ZNF518A: variants seen among roughly 807,000 people sequenced by gnomAD.
The protein encoded by ZNF518A is zinc finger protein 518A.
Under a neutral mutation model 102.7 loss-of-function variants are expected in ZNF518A, and 47 were observed. That is an observed-to-expected ratio of 0.46 (90% CI 0.36 to 0.58). The LOEUF is 0.58. Among genes scored for constraint, ZNF518A ranks in the 20% least tolerant of loss-of-function variants. ZNF518A has a pLI of 0.00. For missense variants in ZNF518A, 1,793 were observed against 1,699.8 expected, an observed-to-expected ratio of 1.05 and a Z score of -0.96; for synonymous variants, 652 against 594.6, an observed-to-expected ratio of 1.10 and a Z score of -1.40.
At chr10:96,188,740 A>T (rs1427364730) in intron 1 of ZNF518A, among the ~76,000 whole-genome samples, 1 of 152,016 alleles carries the variant, frequency 6.6e-6, no homozygotes, top group Non-Finnish European at 1.5e-5. Flanking sequence ...AATTTCCCAA[A>T]CCCCTATATA....
intron 3 of ZNF518A, among the ~76,000 whole-genome samples, chr10:96,143,375 C>G (rs1278956569): frequency 6.6e-6 from 1 of 152,196 alleles, no homozygotes; most frequent in Non-Finnish European, 1.5e-5. Flanking sequence ...CCCCATCATG[C>G]ATTCTCTTTT....
chr10:96,157,592 C>T lies in ZNF518A; in HGVS notation c.1270C>T (p.Leu424=). 1 of 1,613,830 alleles carries T rather than the reference C, an allele frequency of 6.2e-7. No homozygotes were observed. Among genetic ancestry groups the T allele is most frequent in the Admixed American group, 1.7e-5 (1 of 60,010 alleles). ...GAAGACTGCTGTACTAGGACCTACA[C>T]TGAAAAATGTAATGATGAAAAATAA... The part of the protein sequence containing the change: ...FMKTAVLGPT[L]KNVMMKNNKL... Residue 424 remains leucine, a synonymous_variant, in exon 6 of 6, where the codon CTG becomes TTG. Coordinates refer to ENST00000316045, the MANE Select transcript of ZNF518A (RefSeq NM_001330736.2).
At chr10:96,197,832 C>T (rs1591294108) in intron 1 of ZNF518A, among the ~76,000 whole-genome samples, 1 of 150,900 alleles carries the variant, frequency 6.6e-6, no homozygotes, top group Non-Finnish European at 1.5e-5. Context: ...AGAAGAATGG[C>T]GTGAACCCAG....
intron 1 of ZNF518A, among the ~76,000 whole-genome samples, chr10:96,198,263 T>C (rs750371882): frequency 6.6e-6 from 1 of 152,058 alleles, no homozygotes; most frequent in African/African-American, 2.4e-5. Context: ...AAGACAGTGA[T>C]GGGAGAAAAA....
At chr10:96,185,834 C>T (rs141204879) in intron 1 of ZNF518A, among the ~76,000 whole-genome samples, 83 of 152,334 alleles carry the variant, frequency 5.4e-4, no homozygotes, top group African/African-American at 1.8e-3. Context: ...GGGGTGGAGT[C>T]TACAGAGGCA....
intron 3 of ZNF518A, among the ~76,000 whole-genome samples, chr10:96,135,765 C>T (rs1244970036): frequency 6.6e-6 from 1 of 152,112 alleles, no homozygotes. Context: ...AATTCCTTGT[C>T]TTGGAAGTGC....
downstream of ZNF518A, chr10:96,204,392 T>C (rs782415631): frequency 2.3e-5 from 24 of 1,030,682 alleles, no homozygotes; most frequent in Non-Finnish European, 3.6e-5. Context: ...TCAACACCTT[T>C]TAACACGTAA....
In ZNF518A at chr10:96,158,020, G is replaced by C. The variant is rs782584226; in HGVS notation, c.1698G>C (p.Leu566Phe). ...TSELVTASVN[L>F]TTKFETRDNV... ...AATTGGTTACAGCATCAGTGAATTT[G>C]ACCACAAAATTTGAAACAAGAGATA... Residue 566 changes from leucine (L) to phenylalanine (F), a missense_variant, in exon 6 of 6, where the codon TTG becomes TTC. By Grantham distance (22) the Leu-to-Phe change is conservative. Transcript: ENST00000316045. 36 of 1,613,712 alleles carry C rather than the reference G, an allele frequency of 2.2e-5. No homozygotes were observed. Among genetic ancestry groups the C allele is most frequent in the South Asian group, 2.0e-4 (18 of 91,046 alleles).
chr10:96,194,768 A>ATTTTTTT (rs71034364), intron 1 of ZNF518A, among the ~76,000 whole-genome samples: 6,337 of 110,048 alleles, frequency 0.058, 463 homozygotes, highest in Admixed American at 0.079. Context: ...AGAAATGCAA[A>ATTTTTTT]TTTTTTTTTT....
chr10:96,186,958 G>A (rs1353912904), intron 1 of ZNF518A, among the ~76,000 whole-genome samples: 1 of 152,126 alleles, frequency 6.6e-6, no homozygotes, highest in Non-Finnish European at 1.5e-5. Context: ...TTGGATGTTT[G>A]GCTATTTTGT....
In ZNF518A at chr10:96,158,985, T is replaced by G. The variant is rs782060551; in HGVS notation, c.2663T>G (p.Leu888Arg). 2 of 1,613,662 alleles carry G rather than the reference T, an allele frequency of 1.2e-6. No individual in the cohort carries two copies. The highest frequency in any genetic ancestry group is 2.2e-5 in the East Asian group (1 of 44,870). Residue 888 changes from leucine to arginine, a missense_variant, in exon 6 of 6, where the codon CTT becomes CGT. Around this residue, in one of 3 missense-constraint regions of ZNF518A, gnomAD observed 1,741 missense variants for 1,622.6 expected, o/e 1.07. Transcript: ENST00000316045. Reference protein sequence around the residue: ...MPRISGFGTLLKTQSDAIITQ... With the variant: ...MPRISGFGTLRKTQSDAIITQ... Reference sequence around the variant, plus strand: ...AGAATTTCAGGTTTTGGCACATTACTTAAGACTCAGTCAGATGCGATAATA... The same window carrying G: ...AGAATTTCAGGTTTTGGCACATTACGTAAGACTCAGTCAGATGCGATAATA...
In ZNF518A at chr10:96,200,864, G is replaced by A; in HGVS notation, n.36-2710G>A. 3.2e-6 allele frequency: 3 copies of A among 942,250 alleles called. No individual in the cohort carries two copies. Among genetic ancestry groups the A allele is most frequent in the Non-Finnish European group, 5.2e-6 (3 of 573,218 alleles). The allele number at this position is 942,250 out of a possible 1,614,324, so 58.4% of individuals were successfully genotyped here. A position where few individuals can be genotyped will look rare whatever the true frequency, so the allele number is the denominator to read the frequency against. The stretch of plus-strand genomic sequence containing the variant: ...ATTACCAAATGACAGTTCACATAAT[G>A]ATGTAAAATACAGTCTCTGTTCTCA... On this transcript the variant is annotated intron_variant and non_coding_transcript_variant, in intron 1 of 2. Transcript: ENST00000442635. The surrounding 1 kb of genome is among the most constrained non-coding windows in gnomAD (Gnocchi z 4.3).
intron 3 of ZNF518A, among the ~76,000 whole-genome samples, chr10:96,138,045 A>G (rs1172939): frequency 0.98 from 148,582 of 152,316 alleles, 72,572 homozygotes; most frequent in East Asian, 1. Flanking sequence ...GAGAAAGCAT[A>G]TCAGGATATC....
In ZNF518A at chr10:96,162,118, A is replaced by T. The variant is rs587759024; in HGVS notation, c.*1344A>T. On this transcript the variant is annotated 3_prime_UTR_variant, in exon 6 of 6. Transcript: ENST00000316045. The stretch of plus-strand genomic sequence containing the variant: ...GTGTTAATGACATTTTCATTAATGG[A>T]TGAAAACTTCAGGGCTTCTTTTCTG... 9.0e-4 allele frequency: 151 copies of T among 167,024 alleles called. 1 individual carries two copies. The highest frequency in any genetic ancestry group is 1.8e-3 in the Admixed American group (28 of 15,280). The allele number at this position is 167,024 out of a possible 1,614,324, so 10.3% of individuals were successfully genotyped here.
chr10:96,157,245 C>T lies in ZNF518A; in HGVS notation c.923C>T (p.Ser308Phe), dbSNP rs1361999358. Residue 308 changes from serine (S) to phenylalanine (F), a missense_variant, in exon 6 of 6, where the codon TCT (serine) becomes TTT (phenylalanine). Ser to Phe is a radical substitution (Grantham distance 155). Around this residue, in one of 3 missense-constraint regions of ZNF518A, gnomAD observed 1,741 missense variants for 1,622.6 expected, o/e 1.07. Coordinates refer to ENST00000316045, the MANE Select transcript of ZNF518A (RefSeq NM_001330736.2). ...TATGAAAAAAGAATGGCAAAGACTT[C>T]TGCAGGACTTAAGCTAATACTGAAA... ...DKYEKRMAKT[S>F]AGLKLILKRY... 3.7e-6 allele frequency: 6 copies of T among 1,610,614 alleles called. No homozygotes were observed. The highest frequency in any genetic ancestry group is 4.2e-6 in the Non-Finnish European group (5 of 1,178,626).
chr10:96,159,063 C>T lies in ZNF518A; in HGVS notation c.2741C>T (p.Ser914Phe), dbSNP rs368233727. Residue 914 changes from serine (S) to phenylalanine (F), a missense_variant, in exon 6 of 6, where the codon TCT becomes TTT. Transcript: ENST00000316045. Reference sequence around the variant, plus strand: ...CGAGCCACCACACAAAATTTAGGTTCTTTTTATATGCAGAGTCCACTTTTA... The same window carrying T: ...CGAGCCACCACACAAAATTTAGGTTTTTTTTATATGCAGAGTCCACTTTTA... The part of the protein sequence containing the change: ...KLRATTQNLG[S>F]FYMQSPLLNS... 6.8e-6 allele frequency: 11 copies of T among 1,613,396 alleles called. No individual in the cohort carries two copies. Among genetic ancestry groups the T allele is most frequent in the African/African-American group, 1.3e-5 (1 of 74,970 alleles).
At chr10:96,155,627 A>G (rs984030372) in intron 4 of ZNF518A, 1 of 152,174 alleles carries the variant, frequency 6.6e-6, no homozygotes, top group Non-Finnish European at 1.5e-5. Context: ...ATAAGCAGAT[A>G]CCGTCTTTGG....
chr10:96,201,846 T>C (rs1273111733), intron 1 of ZNF518A, among the ~76,000 whole-genome samples: 2 of 152,224 alleles, frequency 1.3e-5, no homozygotes, highest in Non-Finnish European at 2.9e-5. Context: ...CCTGCTCTCC[T>C]GGAACTTAAA....
chr10:96,154,351 T>C (rs1272476131), intron 3 of ZNF518A, among the ~76,000 whole-genome samples: 1 of 152,102 alleles, frequency 6.6e-6, no homozygotes, highest in African/African-American at 2.4e-5. Context: ...TTTCTTTCTT[T>C]CTCTTTCTCT....
Sources: gnomAD v4.1 joint callset for allele counts (sites outside exome capture counted in the v4.1 genomes callset) on GRCh38, gnomAD v4.1.1 for gene constraint, gnomAD v4.1.1 regional missense constraint, Gnocchi (gnomAD v3.1) non-coding constraint, MANE v1.5 for transcripts, NCBI Gene and HGNC (gene_info 2026-07-23, HGNC 2026-07-21) for gene names.